Variants in KCNIP4 observed in about 807,000 individuals in gnomAD.
The protein encoded by KCNIP4 is Kv channel-interacting protein 4.
KCNIP4 carries 12 observed loss-of-function variants against 34.0 expected under a neutral mutation model. The ratio of observed to expected loss-of-function variants is 0.35; its 90% CI spans 0.23 to 0.57. The LOEUF is 0.57. Ranked by LOEUF, KCNIP4 falls within the 20% of genes least tolerant of loss-of-function variation. KCNIP4 has a pLI of 0.83. For missense variants in KCNIP4, 238 were observed against 311.7 expected (o/e 0.76, Z 1.78); for synonymous variants, 124 against 102.2 (o/e 1.21, Z -1.29).
chr4:21,392,322 A>G (rs1308430357), intron 1 of KCNIP4, among the ~76,000 whole-genome samples: 1 of 152,248 alleles, frequency 6.6e-6, no homozygotes, highest in Non-Finnish European at 1.5e-5. Flanking sequence ...GAAGATTATA[A>G]TTAAGAGTTC....
chr4:21,322,723 C>T (rs1356398208), intron 1 of KCNIP4, among the ~76,000 whole-genome samples: 1 of 151,874 alleles, frequency 6.6e-6, no homozygotes, highest in East Asian at 1.9e-4. Context: ...AGATGCCAAA[C>T]ACTATACCAC....
At chr4:20,902,308 T>C (rs1560555844) in intron 1 of KCNIP4, among the ~76,000 whole-genome samples, 2 of 152,076 alleles carry the variant, frequency 1.3e-5, no homozygotes, top group East Asian at 1.9e-4. Context: ...GGAAGAGTGA[T>C]CTGTGCAGGG....
intron 1 of KCNIP4, among the ~76,000 whole-genome samples, chr4:21,716,103 G>C (rs1054819824): frequency 3.3e-5 from 5 of 152,180 alleles, no homozygotes; most frequent in Non-Finnish European, 7.3e-5. Context: ...AGTTTATGGG[G>C]AGCAGCTAAA....
At chr4:21,473,775 G>A (rs892415697) in intron 1 of KCNIP4, among the ~76,000 whole-genome samples, 20 of 151,130 alleles carry the variant, frequency 1.3e-4, no homozygotes, top group Non-Finnish European at 8.8e-5. Flanking sequence ...GTGCAGTGGC[G>A]CAGTCGTGGC....
intron 1 of KCNIP4, among the ~76,000 whole-genome samples, chr4:21,792,226 T>C (rs372710369): frequency 2.0e-4 from 31 of 152,016 alleles, no homozygotes; most frequent in African/African-American, 7.5e-4. Context: ...GTGTCTAGAA[T>C]GTGGCAGGCC....
At chr4:21,824,256 C>G (rs768696772) in intron 1 of KCNIP4, among the ~76,000 whole-genome samples, 1 of 152,114 alleles carries the variant, frequency 6.6e-6, no homozygotes, top group Non-Finnish European at 1.5e-5. Context: ...ATAGCCATTT[C>G]CCAAAACAAA....
At position 21,187,813 on chromosome 4, in the gene KCNIP4, T is replaced by C. The variant is rs557752828; in HGVS notation, c.62-305104A>G. 6.6e-5 allele frequency among the ~76,000 whole-genome samples: 10 copies of C among 152,240 alleles called. No individual in the cohort carries two copies. In the South Asian group the frequency reaches 2.1e-3, roughly 32 times the overall value. On this transcript the variant is annotated intron_variant, in intron 1 of 8. Transcript: ENST00000382152. ...CTGCTCTAATTCACCTGAGACAAAA[T>C]GGCAGCAAATACAAAATAACCTTCC... is the stretch of plus-strand genomic sequence containing the variant.
intron 1 of KCNIP4, among the ~76,000 whole-genome samples, chr4:21,406,259 A>G (rs7662363): frequency 5.3e-5 from 8 of 152,328 alleles, no homozygotes; most frequent in African/African-American, 1.9e-4. Flanking sequence ...CTGAACTTTT[A>G]AAGACTATTT....
At chr4:20,944,151 A>G (rs1172567568) in intron 1 of KCNIP4, among the ~76,000 whole-genome samples, 2 of 152,232 alleles carry the variant, frequency 1.3e-5, no homozygotes, top group African/African-American at 2.4e-5. Flanking sequence ...GTGCATGCAC[A>G]CATTGACCAT....
At chr4:21,219,807 G>A (rs921597806) in intron 1 of KCNIP4, among the ~76,000 whole-genome samples, 4 of 151,796 alleles carry the variant, frequency 2.6e-5, no homozygotes, top group African/African-American at 7.3e-5. Context: ...TTTAAAATTA[G>A]AGATAAAATT....
chr4:21,414,005 C>T (rs987693414), intron 1 of KCNIP4, among the ~76,000 whole-genome samples: 2 of 152,116 alleles, frequency 1.3e-5, no homozygotes, highest in Non-Finnish European at 2.9e-5. Context: ...ATTTATCCTG[C>T]GCCTACCTGT....
chr4:21,627,087 T>A (rs2323071), intron 1 of KCNIP4, among the ~76,000 whole-genome samples: 17,271 of 152,220 alleles, frequency 0.11, 1,073 homozygotes, highest in African/African-American at 0.14. Flanking sequence ...AAACTTTTGC[T>A]ATTGAACTGT....
chr4:20,890,246 G>T (rs1455570659), intron 1 of KCNIP4, among the ~76,000 whole-genome samples: 2 of 152,054 alleles, frequency 1.3e-5, no homozygotes, highest in Non-Finnish European at 2.9e-5. Flanking sequence ...ATTTAGGAAA[G>T]AAAAAATAAT....
intron 1 of KCNIP4, among the ~76,000 whole-genome samples, chr4:21,496,621 C>G (rs1334303264): frequency 6.6e-6 from 1 of 152,146 alleles, no homozygotes; most frequent in African/African-American, 2.4e-5. Context: ...CATTGCCTAC[C>G]TACAGCAGGG....
intron 1 of KCNIP4, among the ~76,000 whole-genome samples, chr4:21,151,858 T>C (rs1056904554): frequency 6.6e-6 from 1 of 152,174 alleles, no homozygotes; most frequent in Non-Finnish European, 1.5e-5. Context: ...TTGTCGGGAC[T>C]TAGCCCTTTT....
At chr4:21,361,225 G>A (rs766827656) in intron 1 of KCNIP4, among the ~76,000 whole-genome samples, 1 of 152,056 alleles carries the variant, frequency 6.6e-6, no homozygotes, top group Middle Eastern at 3.4e-3. Context: ...CTTATAACTT[G>A]TTAGCTGATT....
Position 21,558,071 on chromosome 4 carries a change from G to A in KCNIP4, c.61+390500C>T, listed in dbSNP as rs145258114. Among the ~76,000 whole-genome samples the A allele has an allele frequency of 2.2e-3, 338 of 152,272 alleles. 12 individuals carry two copies. The South Asian group carries it at 0.047, about 21-fold the overall frequency. On this transcript the variant is annotated intron_variant, in intron 1 of 8. Coordinates refer to ENST00000382152, the MANE Select transcript of KCNIP4 (RefSeq NM_025221.6). ...TTAAAAGTTAGCTGAGAGGTGTGCCGTGGCCAGCAGTGTTGGTAGCCAGAA... is the reference window on the plus strand; with the variant it reads ...TTAAAAGTTAGCTGAGAGGTGTGCCATGGCCAGCAGTGTTGGTAGCCAGAA...
intron 1 of KCNIP4, among the ~76,000 whole-genome samples, chr4:21,209,729 C>T (rs942229960): frequency 6.6e-6 from 1 of 151,340 alleles, no homozygotes; most frequent in African/African-American, 2.4e-5. Context: ...TCTTTTTATC[C>T]CTATCAGTGT....
At position 21,446,503 on chromosome 4, in the gene KCNIP4, T is replaced by C. The variant is rs10028286; in HGVS notation, c.61+502068A>G. Among the ~76,000 whole-genome samples, 1,349 of 151,820 alleles carry C rather than the reference T, an allele frequency of 8.9e-3. 28 individuals are homozygous for C. Among genetic ancestry groups the C allele is most frequent in the African/African-American group, 0.031 (1,277 of 41,382 alleles). ...ACATGGATGAAGCTGGAAACCATCA[T>C]TCTCAGCAAACTATCGCAAGCACAA... is the stretch of plus-strand genomic sequence containing the variant. On this transcript the variant is annotated intron_variant, in intron 1 of 8. Transcript: ENST00000382152.
Sources: gnomAD v4.1 joint callset for allele counts (sites outside exome capture counted in the v4.1 genomes callset) on GRCh38, gnomAD v4.1.1 for gene constraint, MANE v1.5 for transcripts, NCBI Gene and HGNC (gene_info 2026-07-23, HGNC 2026-07-21) for gene names.